The following SCIN variants were observed in gnomAD, a reference collection of about 807,000 sequenced individuals.
SCIN encodes scinderin.
Under a neutral mutation model 91.8 loss-of-function variants are expected in SCIN, and 91 were observed. That is an observed-to-expected ratio of 0.99 (90% CI 0.84 to 1.18). The LOEUF is 1.18. Among genes scored for constraint, SCIN ranks in the 50% most tolerant of loss-of-function variants. The pLI, the probability that SCIN is intolerant of heterozygous loss-of-function variation, is 0.00. For synonymous variants in SCIN, 367 were observed against 312.6 expected, an observed-to-expected ratio of 1.17 and a Z score of -1.84; for missense variants, 1,087 against 863.9, an observed-to-expected ratio of 1.26 and a Z score of -3.24.
At chr7:12,636,209 C>G in intron 10 of SCIN, 74 bp downstream of exon 10, 1 of 1,026,882 alleles carries the variant, frequency 9.7e-7, no homozygotes, top group South Asian at 1.5e-5. Context: ...ATAGCTCCCT[C>G]CCAAGTTGGG....
intron 9 of SCIN, among the ~76,000 whole-genome samples, chr7:12,634,665 C>T (rs1783711349): frequency 6.6e-6 from 1 of 152,146 alleles, no homozygotes; most frequent in African/African-American, 2.4e-5. Context: ...ATAAATAATG[C>T]TCAATGAATG....
intron 3 of SCIN, among the ~76,000 whole-genome samples, chr7:12,590,376 CAG>C (rs1157420545): frequency 6.6e-6 from 1 of 151,898 alleles, no homozygotes; most frequent in Non-Finnish European, 1.5e-5. Flanking sequence ...GAGGAAGTAA[CAG>C]AGCATATAGG....
chr7:12,608,933 G>A lies in SCIN; in HGVS notation c.666+4270G>A, dbSNP rs143173453. Among the ~76,000 whole-genome samples, 1,351 of 152,246 alleles carry A rather than the reference G, an allele frequency of 8.9e-3. 16 individuals carry two copies. The highest frequency in any genetic ancestry group is 0.031 in the African/African-American group (1,285 of 41,548). On this transcript the variant is annotated intron_variant, in intron 4 of 15. Transcript: ENST00000297029. ...GAGCCTGTTTTCATTACTCTGTATT[G>A]AGTGCTGAAATTTTTGAACTTGTCT...
intron 13 of SCIN, among the ~76,000 whole-genome samples, chr7:12,648,202 T>A (rs770312084): frequency 3.9e-5 from 6 of 152,100 alleles, no homozygotes; most frequent in African/African-American, 4.8e-5. Context: ...TAAAAAAAAT[T>A]TTGTACATGC....
At chr7:12,603,973 A>G (rs1783018193) in intron 3 of SCIN, among the ~76,000 whole-genome samples, 2 of 152,084 alleles carry the variant, frequency 1.3e-5, no homozygotes, top group African/African-American at 4.8e-5. Flanking sequence ...TACTGGGACA[A>G]TATCACTCTT....
chr7:12,642,218 C>G (rs1200628311), intron 11 of SCIN, among the ~76,000 whole-genome samples: 1 of 152,052 alleles, frequency 6.6e-6, no homozygotes, highest in Non-Finnish European at 1.5e-5. Flanking sequence ...ATCTGGCCAC[C>G]AACTTCTGTC....
intron 3 of SCIN, among the ~76,000 whole-genome samples, chr7:12,591,642 G>A (rs751011386): frequency 2.0e-5 from 3 of 152,154 alleles, no homozygotes; most frequent in Non-Finnish European, 4.4e-5. Context: ...GAGGGGTTTA[G>A]GGGTTCATTG....
At position 12,659,671 on chromosome 7, in the gene SCIN, C is replaced by G. The variant is rs1018406050; in HGVS notation, c.*6956C>G. 2 of 152,874 alleles carry G rather than the reference C, an allele frequency of 1.3e-5. No individual in the cohort carries two copies. The highest frequency in any genetic ancestry group is 4.8e-5 in the African/African-American group (2 of 41,426). 9.5% of individuals were successfully genotyped at this position (152,874 alleles called of 1,614,324 possible). ...GCAAATCACTGTCCCTAGTCTGAGC[C>G]ATATTTAGTGTCTTGAAAGAGCCAC... On this transcript the variant is annotated 3_prime_UTR_variant, in exon 16 of 16. Coordinates refer to ENST00000297029, the MANE Select transcript of SCIN (RefSeq NM_001112706.3).
At chr7:12,599,817 C>CT (rs1403342643) in intron 3 of SCIN, among the ~76,000 whole-genome samples, 2 of 152,028 alleles carry the variant, frequency 1.3e-5, no homozygotes, top group African/African-American at 4.8e-5. Flanking sequence ...TATGTATCTT[C>CT]TTCTCAGAAC....
In SCIN at chr7:12,604,548, A is replaced by T; in HGVS notation, c.551A>T (p.Lys184Ile). ...IYQWCGSSCN[K>I]YERLKANQVA... ...CAGTGGTGTGGTTCCTCGTGCAACA[A>T]ATATGAACGTCTGAAGGCAAACCAG... is the stretch of plus-strand genomic sequence containing the variant. The change falls in exon 4 of 16, where the codon AAA becomes ATA. Residue 184 changes from lysine to isoleucine, a missense_variant. Lys to Ile is a moderately radical substitution (Grantham distance 102). Transcript: ENST00000297029. 1 of 1,551,870 alleles carries T rather than the reference A, an allele frequency of 6.4e-7. No individual in the cohort carries two copies. Among genetic ancestry groups the T allele is most frequent in the Non-Finnish European group, 8.7e-7 (1 of 1,147,042 alleles).
At chr7:12,580,786 G>A (rs1159341150) in intron 2 of SCIN, among the ~76,000 whole-genome samples, 2 of 152,176 alleles carry the variant, frequency 1.3e-5, no homozygotes, top group African/African-American at 2.4e-5. Flanking sequence ...TGTTTTTGCA[G>A]CAGCGTTTTA....
At position 12,574,602 on chromosome 7, in the gene SCIN, G is replaced by T. The variant is rs531645147; in HGVS notation, c.200-3462G>T. 2.0e-5 allele frequency among the ~76,000 whole-genome samples: 3 copies of T among 152,186 alleles called. No homozygotes were observed. In the South Asian group the frequency reaches 6.2e-4, roughly 32 times the overall value. ...TATCAATGCCAATATCCTGGTTGTG[G>T]TGTTCAGTGCTATACTGTACTATAC... On this transcript the variant is annotated intron_variant, in intron 1 of 15. Transcript: ENST00000297029.
intron 14 of SCIN, among the ~76,000 whole-genome samples, chr7:12,650,438 G>A (rs2115304281): frequency 6.6e-6 from 1 of 152,266 alleles, no homozygotes; most frequent in East Asian, 1.9e-4. Context: ...GTCAACTCCT[G>A]TTTCTGTAAT....
chr7:12,574,190 A>G (rs924647606), intron 1 of SCIN, among the ~76,000 whole-genome samples: 3 of 152,198 alleles, frequency 2.0e-5, no homozygotes, highest in Admixed American at 6.5e-5. Flanking sequence ...GTACATCTGT[A>G]CCAACTAATA....
At chr7:12,582,671 C>G (rs1782511429) in intron 3 of SCIN, among the ~76,000 whole-genome samples, 2 of 152,182 alleles carry the variant, frequency 1.3e-5, no homozygotes, top group African/African-American at 4.8e-5. Context: ...CTAATTCATT[C>G]TCCTAACAGA....
intron 3 of SCIN, chr7:12,596,418 G>C: frequency 2.2e-6 from 1 of 455,536 alleles, no homozygotes; most frequent in Non-Finnish European, 4.4e-6. Context: ...ATTCACTTTA[G>C]TGCAACAGGT....
At position 12,652,673 on chromosome 7, in the gene SCIN, A is replaced by G. The variant is rs1320583325; in HGVS notation, c.2106A>G (p.Thr702=). Residue 702 remains threonine (T), a synonymous_variant, in exon 16 of 16, where the codon ACA becomes ACG. Transcript: ENST00000297029. ...TAAAACAGGGCCATGAGCCACCCAC[A>G]TTCACAGGCTGGTTCCTGGGCTGGG... ...VIIKQGHEPP[T]FTGWFLGWDS... 1 of 1,607,052 alleles carries G rather than the reference A, an allele frequency of 6.2e-7. No individual in the cohort carries two copies. Among genetic ancestry groups the G allele is most frequent in the Non-Finnish European group, 8.5e-7 (1 of 1,177,874 alleles).
chr7:12,594,038 G>A (rs926281497), intron 3 of SCIN, among the ~76,000 whole-genome samples: 9 of 152,290 alleles, frequency 5.9e-5, no homozygotes, highest in African/African-American at 2.2e-4. Context: ...GAAGGAGAAA[G>A]GGACGTGGAC....
chr7:12,626,218 T>A (rs983913335), intron 7 of SCIN: 3 of 312,318 alleles, frequency 9.6e-6, no homozygotes, highest in African/African-American at 6.5e-5. Flanking sequence ...ATTTAGACCC[T>A]GGCTAGTTAC....
Sources: gnomAD v4.1 joint callset for allele counts (sites outside exome capture counted in the v4.1 genomes callset) on GRCh38, gnomAD v4.1.1 for gene constraint, MANE v1.5 for transcripts, NCBI Gene and HGNC (gene_info 2026-07-23, HGNC 2026-07-21) for gene names.